Variants in FSTL5 observed in about 807,000 individuals in gnomAD.
FSTL5 encodes the protein follistatin-related protein 5.
A neutral mutation model predicts 89.1 loss-of-function variants in FSTL5; 62 were observed. The observed-to-expected ratio is 0.70, with a 90% CI of 0.57 to 0.86. The LOEUF is 0.86. Ranked by LOEUF, FSTL5 falls within the 40% of genes least tolerant of loss-of-function variation. FSTL5 has a pLI of 0.00. For missense variants in FSTL5, 1,057 were observed against 1,001.6 expected, an observed-to-expected ratio of 1.06 and a Z score of -0.75; for synonymous variants, 383 against 346.2, an observed-to-expected ratio of 1.11 and a Z score of -1.18.
intron 11 of FSTL5, among the ~76,000 whole-genome samples, chr4:161,509,212 A>G (rs952619152): frequency 1.1e-4 from 17 of 152,252 alleles, no homozygotes; most frequent in African/African-American, 4.1e-4. Flanking sequence ...CTAAGGCAGG[A>G]GAATTGCTTG....
At chr4:161,668,228 G>A (rs1405500182) in intron 6 of FSTL5, among the ~76,000 whole-genome samples, 1 of 152,046 alleles carries the variant, frequency 6.6e-6, no homozygotes, top group Admixed American at 6.5e-5. Flanking sequence ...GATAATAAAA[G>A]TTACACAAAA....
chr4:161,423,724 C>T (rs1299124234), intron 15 of FSTL5, among the ~76,000 whole-genome samples: 1 of 152,038 alleles, frequency 6.6e-6, no homozygotes. Context: ...ATGAAAATAC[C>T]TTCTTCCAGG....
chr4:161,587,545 T>C lies in FSTL5; in HGVS notation c.925A>G (p.Thr309Ala), dbSNP rs748170611. 3 of 1,609,860 alleles carry C rather than the reference T, an allele frequency of 1.9e-6. No individual in the cohort carries two copies. The South Asian group carries it at 3.3e-5, about 18-fold the overall frequency. The change falls in exon 8 of 16, where the codon ACT becomes GCT. Residue 309 changes from threonine (T) to alanine (A), a missense_variant. Coordinates refer to ENST00000306100, the MANE Select transcript of FSTL5 (RefSeq NM_020116.5). ...CCAACGTGAGTTGTGGTAACCTTAG[T>C]AATATACAAGGACCCATCATCTCCA... ...DFGDDGSLYI[T>A]KVTTTHVGNY...
intron 9 of FSTL5, among the ~76,000 whole-genome samples, chr4:161,539,520 TCA>T (rs1347610182): frequency 1.3e-5 from 2 of 152,062 alleles, no homozygotes; most frequent in Non-Finnish European, 2.9e-5. Context: ...TCACTGAGAA[TCA>T]CTACTCCAAA....
intron 9 of FSTL5, among the ~76,000 whole-genome samples, chr4:161,541,477 CTT>C (rs139655292): frequency 0.059 from 8,900 of 152,012 alleles, 819 homozygotes; most frequent in African/African-American, 0.2. Context: ...TTATAGACCT[CTT>C]GAGGTAATCA....
At chr4:161,819,561 T>G (rs1021607038) in intron 4 of FSTL5, among the ~76,000 whole-genome samples, 3 of 152,078 alleles carry the variant, frequency 2.0e-5, no homozygotes, top group Admixed American at 2.0e-4. Context: ...ACATAGAGTG[T>G]GACCTTTTTC....
At chr4:161,912,542 C>A (rs998404914) in intron 4 of FSTL5, among the ~76,000 whole-genome samples, 3 of 152,288 alleles carry the variant, frequency 2.0e-5, no homozygotes, top group Admixed American at 1.3e-4. Flanking sequence ...GTGCCTTTCA[C>A]CTTCCACCGT....
chr4:161,446,784 T>C (rs1732962381), intron 15 of FSTL5, among the ~76,000 whole-genome samples: 2 of 152,154 alleles, frequency 1.3e-5, no homozygotes, highest in South Asian at 4.1e-4. Flanking sequence ...ATTCATTACA[T>C]CGTATCTTAA....
intron 6 of FSTL5, among the ~76,000 whole-genome samples, chr4:161,698,699 C>T (rs1738273601): frequency 6.6e-6 from 1 of 152,072 alleles, no homozygotes; most frequent in Non-Finnish European, 1.5e-5. Flanking sequence ...GAAGCCGAGG[C>T]GGGTGATCAC....
intron 2 of FSTL5, among the ~76,000 whole-genome samples, chr4:162,076,159 A>C (rs1729833582): frequency 6.6e-6 from 1 of 151,900 alleles, no homozygotes; most frequent in Admixed American, 6.6e-5. Flanking sequence ...TGAGGTGGCT[A>C]AAGGAGTAAA....
chr4:162,100,774 G>T, intron 2 of FSTL5, among the ~76,000 whole-genome samples: 1 of 152,132 alleles, frequency 6.6e-6, no homozygotes, highest in East Asian at 1.9e-4. Flanking sequence ...AGGGGGTATA[G>T]AGTGACTCTT....
intron 15 of FSTL5, among the ~76,000 whole-genome samples, chr4:161,422,718 C>G (rs1732033538): frequency 6.6e-6 from 1 of 151,664 alleles, no homozygotes; most frequent in Non-Finnish European, 1.5e-5. Context: ...CTAAGTACTA[C>G]TCTTCAAAAT....
intron 13 of FSTL5, among the ~76,000 whole-genome samples, chr4:161,480,700 T>A (rs767687381): frequency 6.6e-6 from 1 of 152,184 alleles, no homozygotes; most frequent in Non-Finnish European, 1.5e-5. Flanking sequence ...TTAATTGGCC[T>A]CTGCCTGCTC....
At chr4:162,092,895 G>A (rs1730601334) in intron 2 of FSTL5, among the ~76,000 whole-genome samples, 1 of 139,034 alleles carries the variant, frequency 7.2e-6, no homozygotes, top group South Asian at 2.3e-4. Flanking sequence ...GTTGCAGTGA[G>A]CCGAGATCAC....
At chr4:161,672,905 C>T (rs562312573) in intron 6 of FSTL5, among the ~76,000 whole-genome samples, 7 of 151,936 alleles carry the variant, frequency 4.6e-5, no homozygotes, top group African/African-American at 7.2e-5. Context: ...ATGTACTTCT[C>T]ATACCATCAT....
chr4:161,428,243 A>C (rs1732230265), intron 15 of FSTL5, among the ~76,000 whole-genome samples: 1 of 152,188 alleles, frequency 6.6e-6, no homozygotes, highest in South Asian at 2.1e-4. Context: ...TCTCACCCCC[A>C]CGGGCTAAAG....
At chr4:161,551,224 T>C (rs1732201767) in intron 8 of FSTL5, among the ~76,000 whole-genome samples, 1 of 149,724 alleles carries the variant, frequency 6.7e-6, no homozygotes, top group African/African-American at 2.5e-5. Flanking sequence ...TTCCTATTTC[T>C]CCACATCCTC....
intron 5 of FSTL5, among the ~76,000 whole-genome samples, chr4:161,765,409 A>G (rs932284822): frequency 1.3e-5 from 2 of 152,250 alleles, no homozygotes; most frequent in African/African-American, 4.8e-5. Context: ...TAAATCTCAT[A>G]GCAAATAAAT....
At chr4:161,472,038 A>G (rs989578181) in intron 13 of FSTL5, among the ~76,000 whole-genome samples, 11 of 148,384 alleles carry the variant, frequency 7.4e-5, no homozygotes, top group Admixed American at 1.4e-4. Flanking sequence ...GTGCAGTGGC[A>G]CGATCTTGGC....
Sources: gnomAD v4.1 joint callset for allele counts (sites outside exome capture counted in the v4.1 genomes callset) on GRCh38, gnomAD v4.1.1 for gene constraint, MANE v1.5 for transcripts, NCBI Gene and HGNC (gene_info 2026-07-23, HGNC 2026-07-21) for gene names.